Variants in BMP2K observed in about 807,000 individuals in gnomAD.
BMP2K encodes the protein BMP-2-inducible protein kinase.
Under a neutral mutation model 116.0 loss-of-function variants are expected in BMP2K, and 74 were observed. The ratio of observed to expected loss-of-function variants is 0.64; its 90% CI spans 0.53 to 0.77. BMP2K has a LOEUF of 0.77. BMP2K is among the 30% of genes least tolerant of loss of function. BMP2K has a pLI of 0.00. For synonymous variants in BMP2K, 486 were observed against 502.5 expected (o/e 0.97, Z 0.44); for missense variants, 1,365 against 1,403.6 (o/e 0.97, Z 0.44).
chr4:78,894,138 G>A (rs1733581146), intron 15 of BMP2K, among the ~76,000 whole-genome samples: 1 of 152,202 alleles, frequency 6.6e-6, no homozygotes, highest in African/African-American at 2.4e-5. Context: ...CACAAACAGA[G>A]TAGTTTTAGC....
At chr4:78,834,137 T>G (rs1300780549) in intron 3 of BMP2K, among the ~76,000 whole-genome samples, 5 of 152,208 alleles carry the variant, frequency 3.3e-5, no homozygotes, top group African/African-American at 7.2e-5. Context: ...CTTGGTGGTG[T>G]TTGTAAACAT....
intron 1 of BMP2K, among the ~76,000 whole-genome samples, chr4:78,799,286 G>A (rs1283760260): frequency 6.6e-6 from 1 of 151,882 alleles, no homozygotes; most frequent in East Asian, 1.9e-4. Flanking sequence ...TATCATGAAA[G>A]TTCTGTAGAC....
chr4:78,881,622 G>C (rs1460441064), intron 14 of BMP2K, among the ~76,000 whole-genome samples: 1 of 152,016 alleles, frequency 6.6e-6, no homozygotes, highest in Non-Finnish European at 1.5e-5. Flanking sequence ...GAAGCAATAA[G>C]ATATCTAATA....
intron 6 of BMP2K, 69 bp downstream of exon 6, chr4:78,847,338 T>C (rs902800361): frequency 4.2e-6 from 5 of 1,189,958 alleles, no homozygotes; most frequent in Non-Finnish European, 4.7e-6. Flanking sequence ...TATTATTTTT[T>C]ACTCTGCTCC....
At chr4:78,869,695 G>A (rs936623555) in intron 10 of BMP2K, among the ~76,000 whole-genome samples, 2 of 152,126 alleles carry the variant, frequency 1.3e-5, no homozygotes, top group African/African-American at 2.4e-5. Context: ...TGATTTTTGA[G>A]TAGTTATTTT....
At chr4:78,884,171 T>TA (rs1385892372) in intron 14 of BMP2K, among the ~76,000 whole-genome samples, 1 of 151,826 alleles carries the variant, frequency 6.6e-6, no homozygotes, top group African/African-American at 2.4e-5. Context: ...CTACAAAAAA[T>TA]AAAAAATTAG....
intron 1 of BMP2K, among the ~76,000 whole-genome samples, chr4:78,809,965 G>T (rs909325840): frequency 6.6e-6 from 1 of 152,084 alleles, no homozygotes; most frequent in African/African-American, 2.4e-5. Flanking sequence ...TGAAATAATT[G>T]TAATGTGGCA....
At chr4:78,808,700 T>C (rs1312440649) in intron 1 of BMP2K, among the ~76,000 whole-genome samples, 2 of 152,240 alleles carry the variant, frequency 1.3e-5, no homozygotes, top group Non-Finnish European at 2.9e-5. Context: ...ATTTCCCTTG[T>C]GATTGCTTCT....
At chr4:78,781,221 G>T (rs1020751857) in intron 1 of BMP2K, among the ~76,000 whole-genome samples, 1 of 152,150 alleles carries the variant, frequency 6.6e-6, no homozygotes, top group Non-Finnish European at 1.5e-5. Flanking sequence ...GCAGTGACAT[G>T]CTCTGATTTG....
chr4:78,909,454 T>C (rs1734466431), intron 15 of BMP2K, among the ~76,000 whole-genome samples: 1 of 152,168 alleles, frequency 6.6e-6, no homozygotes, highest in Non-Finnish European at 1.5e-5. Context: ...TAATGAAATA[T>C]ACGCTGCTTA....
chr4:78,874,174 C>A (rs1176647086), intron 13 of BMP2K, among the ~76,000 whole-genome samples: 1 of 145,238 alleles, frequency 6.9e-6, no homozygotes, highest in African/African-American at 2.8e-5. Context: ...GAGACTCCAT[C>A]TCACACACAC....
At chr4:78,861,648 A>G (rs1387598189) in intron 9 of BMP2K, among the ~76,000 whole-genome samples, 180 bp downstream of exon 9, 1 of 152,040 alleles carries the variant, frequency 6.6e-6, no homozygotes. Flanking sequence ...ATATTAGATA[A>G]GGAGTCTGGC....
intron 1 of BMP2K, among the ~76,000 whole-genome samples, chr4:78,820,308 A>C (rs76889749): frequency 0.048 from 7,365 of 152,262 alleles, 622 homozygotes; most frequent in African/African-American, 0.17. Flanking sequence ...AGGCAAATAT[A>C]CAACCATTTT....
intron 1 of BMP2K, among the ~76,000 whole-genome samples, chr4:78,808,731 G>A (rs984407542): frequency 6.6e-6 from 1 of 151,932 alleles, no homozygotes; most frequent in Non-Finnish European, 1.5e-5. Context: ...GGTTATTTGA[G>A]TGTTTTCTTT....
chr4:78,811,162 G>C (rs1221429086), intron 1 of BMP2K, among the ~76,000 whole-genome samples: 1 of 152,030 alleles, frequency 6.6e-6, no homozygotes, highest in Non-Finnish European at 1.5e-5. Context: ...TATTTCATTT[G>C]TTTATCTTTA....
intron 14 of BMP2K, among the ~76,000 whole-genome samples, chr4:78,885,859 T>C (rs1262678263): frequency 6.6e-6 from 1 of 152,070 alleles, no homozygotes; most frequent in African/African-American, 2.4e-5. Flanking sequence ...TGTGGAGAGT[T>C]TTTTTGTTGG....
chr4:78,886,149 C>T (rs965248265), intron 14 of BMP2K, among the ~76,000 whole-genome samples: 1 of 152,034 alleles, frequency 6.6e-6, no homozygotes, highest in African/African-American at 2.4e-5. Context: ...GTGTGAGCCC[C>T]CATCCCTGAA....
At position 78,871,967 on chromosome 4, in the gene BMP2K, A is replaced by G; in HGVS notation, c.1608+19A>G. Reference sequence around the variant, plus strand: ...TACAATGGTAACTTAAATAATTTCTAGAGATTTCTCTGAGTATACATTATG... The same window carrying G: ...TACAATGGTAACTTAAATAATTTCTGGAGATTTCTCTGAGTATACATTATG... On this transcript the variant is annotated intron_variant, in intron 12 of 15. Coordinates refer to ENST00000502613, the MANE Select transcript of BMP2K (RefSeq NM_198892.2). 1 of 1,530,584 alleles carries G rather than the reference A, an allele frequency of 6.5e-7. No homozygotes were observed. Among genetic ancestry groups the G allele is most frequent in the East Asian group, 2.3e-5 (1 of 43,836 alleles). 94.8% of individuals were successfully genotyped at this position (1,530,584 alleles called of 1,614,324 possible).
rs151205130 is a variant in BMP2K, at chr4:78,914,644, T to C, written c.*2611T>C. 157 of 151,784 alleles carry C rather than the reference T, an allele frequency of 1.0e-3. 1 individual carries two copies. Among genetic ancestry groups the C allele is most frequent in the African/African-American group, 3.7e-3 (154 of 41,418 alleles). 9.4% of individuals were successfully genotyped at this position (151,784 alleles called of 1,614,324 possible). A position where few individuals can be genotyped will look rare whatever the true frequency, so the allele number is the denominator to read the frequency against. ...CCTGGCACACAGCACTCAATAAAAG[T>C]TTGGCTCTATTATGGGATGGTTCAA... On this transcript the variant is annotated 3_prime_UTR_variant, in exon 16 of 16. Transcript: ENST00000502613.
Sources: allele counts gnomAD v4.1 joint callset (sites outside exome capture counted in the v4.1 genomes callset), GRCh38; gene constraint gnomAD v4.1.1; transcripts MANE v1.5; gene names NCBI Gene and HGNC (gene_info 2026-07-23, HGNC 2026-07-21).